RFX3: variants seen among roughly 807,000 people sequenced by gnomAD.
RFX3 encodes the protein regulatory factor X3, also known as transcription factor RFX3.
A neutral mutation model predicts 98.6 loss-of-function variants in RFX3; 14 were observed. The ratio of observed to expected loss-of-function variants is 0.14; its 90% CI spans 0.09 to 0.22. The LOEUF (loss-of-function observed/expected upper bound fraction) is 0.22. Among genes scored for constraint, RFX3 ranks in the 10% least tolerant of loss-of-function variants. The probability of loss-of-function intolerance (pLI) is 1.00; values close to 1 mark genes in which losing one functional copy is unlikely to be tolerated. For missense variants in RFX3, 639 were observed against 926.9 expected (o/e 0.69, Z 4.03); for synonymous variants, 383 against 328.4 (o/e 1.17, Z -1.80).
intron 2 of RFX3, among the ~76,000 whole-genome samples, chr9:3,393,992 G>A (rs956752223): frequency 2.6e-5 from 4 of 152,100 alleles, no homozygotes; most frequent in Non-Finnish European, 5.9e-5. Flanking sequence ...CTAAAAAAGA[G>A]AGAATATGCT....
intron 4 of RFX3, among the ~76,000 whole-genome samples, chr9:3,309,580 TG>T: frequency 6.8e-6 from 1 of 147,556 alleles, no homozygotes; most frequent in Non-Finnish European, 1.5e-5. Context: ...GAAAAGAGAA[TG>T]GGGGTGGGGA....
chr9:3,277,977 C>A (rs552512380), intron 7 of RFX3, among the ~76,000 whole-genome samples: 1 of 151,854 alleles, frequency 6.6e-6, no homozygotes. Flanking sequence ...CATTTATCTC[C>A]ATGACAATTA....
At chr9:3,451,104 A>G (rs913384485) in intron 1 of RFX3, among the ~76,000 whole-genome samples, 2 of 152,240 alleles carry the variant, frequency 1.3e-5, no homozygotes, top group Non-Finnish European at 2.9e-5. Flanking sequence ...AAACAAAAAT[A>G]AAACACAATG....
intron 1 of RFX3, among the ~76,000 whole-genome samples, chr9:3,408,612 T>TCTCA (rs1394846039): frequency 7.2e-4 from 107 of 147,792 alleles, no homozygotes; most frequent in African/African-American, 2.6e-3. Flanking sequence ...TCTCTCTCTC[T>TCTCA]CACACACACA....
At chr9:3,296,688 T>C (rs1250180346) in intron 5 of RFX3, among the ~76,000 whole-genome samples, 1 of 152,100 alleles carries the variant, frequency 6.6e-6, no homozygotes, top group Non-Finnish European at 1.5e-5. Flanking sequence ...GGAGGAACTG[T>C]ATTCCTTGCC....
At chr9:3,476,226 AT>A (rs1364463865) in intron 1 of RFX3, among the ~76,000 whole-genome samples, 1 of 151,182 alleles carries the variant, frequency 6.6e-6, no homozygotes, top group Non-Finnish European at 1.5e-5. Context: ...AATCATGTCT[AT>A]GTAGATCTAG....
At chr9:3,372,550 C>CT (rs553629010) in intron 2 of RFX3, among the ~76,000 whole-genome samples, 2,779 of 135,576 alleles carry the variant, frequency 0.02, 29 homozygotes, top group Non-Finnish European at 0.028. Flanking sequence ...TTCTTTCTTT[C>CT]TTTTTTTTTT....
chr9:3,294,838 A>G (rs1827804587), intron 5 of RFX3, among the ~76,000 whole-genome samples: 1 of 152,158 alleles, frequency 6.6e-6, no homozygotes, highest in South Asian at 2.1e-4. Context: ...AAAGACTTGA[A>G]GTCCTTCACA....
At chr9:3,370,220 C>G (rs1187357583) in intron 2 of RFX3, among the ~76,000 whole-genome samples, 1 of 150,462 alleles carries the variant, frequency 6.6e-6, no homozygotes, top group Non-Finnish European at 1.5e-5. Context: ...ATCCCTAGAG[C>G]AAGTTATCCA....
chr9:3,235,403 C>T (rs546024884), intron 15 of RFX3, among the ~76,000 whole-genome samples: 11 of 152,188 alleles, frequency 7.2e-5, no homozygotes, highest in Non-Finnish European at 1.0e-4. Flanking sequence ...ATCCGTAAGT[C>T]TTCAATGAGC....
intron 11 of RFX3, among the ~76,000 whole-genome samples, chr9:3,266,551 A>T (rs1478955325): frequency 1.3e-5 from 2 of 152,058 alleles, no homozygotes; most frequent in Non-Finnish European, 2.9e-5. Flanking sequence ...GGGAAAAAAA[A>T]GGATTCAAAC....
chr9:3,410,195 G>GTGTC, intron 1 of RFX3, among the ~76,000 whole-genome samples: 1 of 151,378 alleles, frequency 6.6e-6, no homozygotes, highest in East Asian at 1.9e-4. Flanking sequence ...GTGTGTGTGT[G>GTGTC]TGTGTGTGTG....
At position 3,223,439 on chromosome 9, in the gene RFX3, T is replaced by C. The variant is rs1274699331; in HGVS notation, c.*1603A>G. 6.6e-6 allele frequency: 1 copy of C among 152,186 alleles called. No homozygotes were observed. The highest frequency in any genetic ancestry group is 1.5e-5 in the Non-Finnish European group (1 of 68,038). The allele number at this position is 152,186 out of a possible 1,614,324, so 9.4% of individuals were successfully genotyped here. A position where few individuals can be genotyped will look rare whatever the true frequency, so the allele number is the denominator to read the frequency against. On this transcript the variant is annotated 3_prime_UTR_variant, in exon 17 of 17. Coordinates refer to ENST00000617270, the MANE Select transcript of RFX3 (RefSeq NM_001282116.2). ...AACATTTAGACTGAAAAGATGCACT[T>C]CGATAAGTACCTGCTTACTTTGTTA...
chr9:3,525,851 T>C lies in RFX3; in HGVS notation c.-113A>G. The C allele has an allele frequency of 1.0e-6, 1 of 985,018 alleles. No individual in the cohort carries two copies. Among genetic ancestry groups the C allele is most frequent in the Non-Finnish European group, 1.2e-6 (1 of 829,418 alleles). 61.0% of individuals were successfully genotyped at this position (985,018 alleles called of 1,614,324 possible). ...GGAGGAGGAGAGGAGTAGTTGTTGT[T>C]GATGGGTAACAGTCGCCAGGACTAC... On this transcript the variant is annotated 5_prime_UTR_variant, in exon 1 of 17. Coordinates refer to ENST00000617270, the MANE Select transcript of RFX3 (RefSeq NM_001282116.2).
At chr9:3,278,742 G>T (rs1165275679) in intron 7 of RFX3, among the ~76,000 whole-genome samples, 1 of 151,746 alleles carries the variant, frequency 6.6e-6, no homozygotes, top group Non-Finnish European at 1.5e-5. Flanking sequence ...CCAAATAATT[G>T]CCAAATCTCT....
intron 1 of RFX3, among the ~76,000 whole-genome samples, chr9:3,515,207 T>A (rs1587913874): frequency 6.6e-6 from 1 of 152,214 alleles, no homozygotes; most frequent in Non-Finnish European, 1.5e-5. Flanking sequence ...CCAGTCTTTT[T>A]AATTCCTTTC....
At chr9:3,415,036 T>TTA (rs1223516685) in intron 1 of RFX3, among the ~76,000 whole-genome samples, 1 of 125,932 alleles carries the variant, frequency 7.9e-6, no homozygotes, top group Non-Finnish European at 1.7e-5. Flanking sequence ...ATATTTACTT[T>TTA]TATATATATA....
At chr9:3,434,332 G>A (rs1347736001) in intron 1 of RFX3, among the ~76,000 whole-genome samples, 1 of 152,044 alleles carries the variant, frequency 6.6e-6, no homozygotes, top group African/African-American at 2.4e-5. Context: ...TATTAAGTGT[G>A]TCATCCTTTA....
intron 1 of RFX3, among the ~76,000 whole-genome samples, chr9:3,472,915 G>C (rs1463265363): frequency 6.6e-6 from 1 of 152,176 alleles, no homozygotes; most frequent in Non-Finnish European, 1.5e-5. Context: ...AACTACTGCA[G>C]TAACGAGATG....
Sources: allele counts gnomAD v4.1 joint callset (sites outside exome capture counted in the v4.1 genomes callset), GRCh38; gene constraint gnomAD v4.1.1; transcripts MANE v1.5; gene names NCBI Gene and HGNC (gene_info 2026-07-23, HGNC 2026-07-21).